The following BICRA variants were observed in gnomAD, a reference collection of about 807,000 sequenced individuals.
The protein encoded by BICRA is BRD4 interacting chromatin remodeling complex associated protein.
Under a neutral mutation model 96.9 loss-of-function variants are expected in BICRA, and 31 were observed. The ratio of observed to expected loss-of-function variants is 0.32; its 90% CI spans 0.24 to 0.43. The LOEUF (loss-of-function observed/expected upper bound fraction) is 0.43. Ranked by LOEUF, BICRA falls within the 20% of genes least tolerant of loss-of-function variation. The probability of loss-of-function intolerance (pLI) is 1.00; values close to 1 mark genes in which losing one functional copy is unlikely to be tolerated. For synonymous variants in BICRA, 1,350 were observed against 1,071.8 expected, an observed-to-expected ratio of 1.26 and a Z score of -5.07; for missense variants, 2,283 against 2,190.3, an observed-to-expected ratio of 1.04 and a Z score of -0.84.
chr19:47,620,038 G>A (rs148618366), intron 1 of BICRA, among the ~76,000 whole-genome samples: 169 of 152,250 alleles, frequency 1.1e-3, no homozygotes, highest in African/African-American at 3.9e-3. Flanking sequence ...CACAGAGGGG[G>A]AGTCCTGCCC....
chr19:47,697,310 A>G (rs931090448), intron 11 of BICRA, among the ~76,000 whole-genome samples: 33 of 151,606 alleles, frequency 2.2e-4, no homozygotes, highest in African/African-American at 6.8e-4. Flanking sequence ...TTAAAAACAT[A>G]TAAGTCCGGG....
intron 1 of BICRA, among the ~76,000 whole-genome samples, chr19:47,618,914 T>G (rs1409967732): frequency 6.6e-6 from 1 of 152,176 alleles, no homozygotes; most frequent in African/African-American, 2.4e-5. Flanking sequence ...TCGTCCACCG[T>G]GTGAGGCTGG....
rs779429800 is a variant in BICRA at position 47,636,045 on chromosome 19, T to G, written c.-108+26877T>G. On this transcript the variant is annotated intron_variant, in intron 1 of 14. Coordinates refer to ENST00000594866, the MANE Select transcript of BICRA (RefSeq NM_001394372.1). ...TTATTTTATAACATTACCTTCAGAC[T>G]ATGTGTATAAAGTGTATATGAAACA... Among the ~76,000 whole-genome samples the G allele has an allele frequency of 1.6e-4, 25 of 152,182 alleles. 1 individual carries two copies. The highest frequency in any genetic ancestry group is 2.8e-4 in the Non-Finnish European group (19 of 68,034).
At chr19:47,613,725 G>A (rs1971944079) in intron 1 of BICRA, among the ~76,000 whole-genome samples, 1 of 152,004 alleles carries the variant, frequency 6.6e-6, no homozygotes, top group Non-Finnish European at 1.5e-5. Flanking sequence ...TTTGGTTGAG[G>A]GGTCCCCAGG....
In BICRA at chr19:47,701,175, A is replaced by G; in HGVS notation, c.3596-153A>G. On this transcript the variant is annotated intron_variant, in intron 14 of 14. Coordinates refer to ENST00000594866, the MANE Select transcript of BICRA (RefSeq NM_001394372.1). This position sits in a 1 kb window ranked among gnomAD's most constrained non-coding sequence, Gnocchi z 5.4. The stretch of plus-strand genomic sequence containing the variant: ...TGGGGGAATTTGGGCCTTGCTGAAG[A>G]GGGTCTCACCAAGCCTATCCTGAGG... 1.6e-6 allele frequency: 1 copy of G among 620,388 alleles called. No homozygotes were observed. The highest frequency in any genetic ancestry group is 1.9e-5 in the South Asian group (1 of 52,032). The allele number at this position is 620,388 out of a possible 1,614,324, so 38.4% of individuals were successfully genotyped here.
At chr19:47,612,107 G>C (rs937962270) in intron 1 of BICRA, among the ~76,000 whole-genome samples, 1 of 152,102 alleles carries the variant, frequency 6.6e-6, no homozygotes, top group Admixed American at 6.6e-5. Context: ...CTGACCTCAG[G>C]TAATCTGACT....
Position 47,694,204 on chromosome 19 carries a change from G to GGCCGAC in BICRA, c.2373_2374insGCCGAC (p.Leu791_Pro792insAlaAsp). 8.9e-7 allele frequency: 1 copy of GGCCGAC among 1,119,702 alleles called. No individual in the cohort carries two copies. Among genetic ancestry groups the GGCCGAC allele is most frequent in the Non-Finnish European group, 1.1e-6 (1 of 884,586 alleles). The allele number at this position is 1,119,702 out of a possible 1,614,324, so 69.4% of individuals were successfully genotyped here. A position where few individuals can be genotyped will look rare whatever the true frequency, so the allele number is the denominator to read the frequency against. The stretch of plus-strand genomic sequence containing the variant: ...CCCCTCTGGGGGACAGCCCCCACCT[G>GGCCGAC]CCCTCCCCACACCCCACCCGGCCCC... On this transcript the variant is annotated inframe_insertion, in exon 8 of 15. Coordinates refer to ENST00000594866, the MANE Select transcript of BICRA (RefSeq NM_001394372.1).
intron 1 of BICRA, among the ~76,000 whole-genome samples, chr19:47,647,064 C>T (rs1485504791): frequency 6.6e-6 from 1 of 152,208 alleles, no homozygotes; most frequent in East Asian, 1.9e-4. Flanking sequence ...CCTTTTGTGC[C>T]TGGCTTCTTT....
At position 47,699,336 on chromosome 19, in the gene BICRA, G is replaced by C. The variant is rs1392373946; in HGVS notation, c.3526G>C (p.Asp1176His). 6.4e-7 allele frequency: 1 copy of C among 1,569,244 alleles called. No homozygotes were observed. Among genetic ancestry groups the C allele is most frequent in the East Asian group, 2.4e-5 (1 of 42,238 alleles). The stretch of plus-strand genomic sequence containing the variant: ...CCCCTCAGCGGAGATGGTAATGATC[G>C]ACCGAATGTTCATTCAGGAGGAGAA... ...VSPSAEMVMIDRMFIQEEKTT... is the reference protein window; with the variant it reads ...VSPSAEMVMIHRMFIQEEKTT... The change falls in exon 14 of 15, where the codon GAC becomes CAC. Residue 1176 changes from aspartate to histidine, a missense_variant. Physicochemically the swap from Asp to His is moderately conservative, Grantham distance 81. Coordinates refer to ENST00000594866, the MANE Select transcript of BICRA (RefSeq NM_001394372.1). The surrounding 1 kb of genome is among the most constrained non-coding windows in gnomAD (Gnocchi z 5.0).
intron 4 of BICRA, among the ~76,000 whole-genome samples, chr19:47,674,286 A>T (rs148468104): frequency 1.3e-5 from 2 of 152,252 alleles, no homozygotes; most frequent in Non-Finnish European, 2.9e-5. Flanking sequence ...GTAGGAGGTG[A>T]GACTGTAGTA....
Position 47,701,900 on chromosome 19 carries a change from A to T in BICRA, c.4168A>T (p.Thr1390Ser). 6.9e-7 allele frequency: 1 copy of T among 1,445,058 alleles called. No individual in the cohort carries two copies. The highest frequency in any genetic ancestry group is 1.3e-5 in the South Asian group (1 of 74,504). 89.5% of individuals were successfully genotyped at this position (1,445,058 alleles called of 1,614,324 possible). ...CTGCCCGCGCCTGCCACTGCGCAAGACCTACCGCGAGAACGTGGGGGGCCC... is the reference window on the plus strand; with the variant it reads ...CTGCCCGCGCCTGCCACTGCGCAAGTCCTACCGCGAGAACGTGGGGGGCCC... ...PHCPRLPLRK[T>S]YRENVGGPGA... The change falls in exon 15 of 15, where the codon ACC (threonine) becomes TCC (serine). Residue 1390 changes from threonine to serine, a missense_variant. Physicochemically the swap from Thr to Ser is moderately conservative, Grantham distance 58 (BLOSUM62 1). Coordinates refer to ENST00000594866, the MANE Select transcript of BICRA (RefSeq NM_001394372.1). This position sits in a 1 kb window ranked among gnomAD's most constrained non-coding sequence, Gnocchi z 5.4.
Position 47,701,742 on chromosome 19 carries a change from C to G in BICRA, c.4010C>G (p.Pro1337Arg), listed in dbSNP as rs751395672. The change falls in exon 15 of 15, where the codon CCC becomes CGC. Residue 1337 changes from proline (P) to arginine (R), a missense_variant. Physicochemically the swap from Pro to Arg is moderately radical, Grantham distance 103. Coordinates refer to ENST00000594866, the MANE Select transcript of BICRA (RefSeq NM_001394372.1). This position sits in a 1 kb window ranked among gnomAD's most constrained non-coding sequence, Gnocchi z 5.4. ...CCCGTGCACCAGCCCCCGCCACCCCCCGCTACCCTCAAGGTGGCCGAGCCC... is the reference window on the plus strand; with the variant it reads ...CCCGTGCACCAGCCCCCGCCACCCCGCGCTACCCTCAAGGTGGCCGAGCCC... ...LDPVHQPPPP[P>R]ATLKVAEPPP... 6.4e-7 allele frequency: 1 copy of G among 1,558,608 alleles called. No individual in the cohort carries two copies. The highest frequency in any genetic ancestry group is 1.4e-5 in the African/African-American group (1 of 73,624).
Position 47,695,061 on chromosome 19 carries a change from G to C in BICRA, c.3057G>C (p.Pro1019=), listed in dbSNP as rs1460699018. The C allele has an allele frequency of 2.7e-6, 4 of 1,495,538 alleles. No individual in the cohort carries two copies. In the African/African-American group the frequency reaches 5.7e-5, roughly 21 times the overall value. The allele number at this position is 1,495,538 out of a possible 1,614,324, so 92.6% of individuals were successfully genotyped here. A position where few individuals can be genotyped will look rare whatever the true frequency, so the allele number is the denominator to read the frequency against. The change falls in exon 9 of 15, where the codon CCG becomes CCC. Residue 1019 remains proline (P), a synonymous_variant. Coordinates refer to ENST00000594866, the MANE Select transcript of BICRA (RefSeq NM_001394372.1). Reference sequence around the variant, plus strand: ...CTGCCCCCAGCCACGCCCCCGCCCCGGCACCCATGGCCGCCACAGGTAGGA... The same window carrying C: ...CTGCCCCCAGCCACGCCCCCGCCCCCGCACCCATGGCCGCCACAGGTAGGA... ...TPTAPSHAPA[P]APMAATGLPP... is the part of the protein sequence containing the mutation.
intron 11 of BICRA, among the ~76,000 whole-genome samples, chr19:47,697,294 G>GT (rs1973361332): frequency 6.7e-6 from 1 of 149,980 alleles, no homozygotes; most frequent in Non-Finnish European, 1.5e-5. Context: ...CACCATGAGT[G>GT]TTTTTTTAAA....
chr19:47,633,238 C>A (rs143673889), intron 1 of BICRA, among the ~76,000 whole-genome samples: 1 of 151,808 alleles, frequency 6.6e-6, no homozygotes, highest in Non-Finnish European at 1.5e-5. Flanking sequence ...CGCCACCACG[C>A]CCGACTAATT....
intron 11 of BICRA, among the ~76,000 whole-genome samples, chr19:47,697,393 C>G (rs781133023): frequency 6.6e-6 from 1 of 151,686 alleles, no homozygotes; most frequent in Non-Finnish European, 1.5e-5. Context: ...ACTGCATGCC[C>G]TCACCCAAAA....
chr19:47,661,493 A>G (rs767946189), intron 1 of BICRA, among the ~76,000 whole-genome samples: 26 of 151,700 alleles, frequency 1.7e-4, no homozygotes, highest in Non-Finnish European at 2.8e-4. Flanking sequence ...AGGGCTTTCT[A>G]TGGTCGTTTA....
Position 47,633,546 on chromosome 19 carries a change from C to T in BICRA, c.-108+24378C>T, listed in dbSNP as rs758198638. Among the ~76,000 whole-genome samples, 51 of 152,124 alleles carry T rather than the reference C, an allele frequency of 3.4e-4. 1 individual carries two copies. Among genetic ancestry groups the T allele is most frequent in the Non-Finnish European group, 4.6e-4 (31 of 68,034 alleles). On this transcript the variant is annotated intron_variant, in intron 1 of 14. Transcript: ENST00000594866. The stretch of plus-strand genomic sequence containing the variant: ...AAGGCCTAATAGGCAACAGCCAGAC[C>T]CTTAGTCTTCCTCTAGGACTAAAGC...
intron 7 of BICRA, among the ~76,000 whole-genome samples, chr19:47,685,952 T>G (rs899410728): frequency 1.3e-5 from 2 of 151,810 alleles, no homozygotes; most frequent in Non-Finnish European, 2.9e-5. Context: ...AATTTGTTTT[T>G]TTTTTTTTTT....
Sources: allele counts gnomAD v4.1 joint callset (sites outside exome capture counted in the v4.1 genomes callset), GRCh38; gene constraint gnomAD v4.1.1; non-coding constraint Gnocchi (gnomAD v3.1); transcripts MANE v1.5; gene names NCBI Gene and HGNC (gene_info 2026-07-23, HGNC 2026-07-21).